USPL1: variants seen among roughly 807,000 people sequenced by gnomAD.
USPL1 encodes SUMO-specific isopeptidase USPL1.
USPL1 carries 27 observed loss-of-function variants against 51.5 expected under a neutral mutation model. That is an observed-to-expected ratio of 0.52 (90% CI 0.39 to 0.72). The LOEUF (loss-of-function observed/expected upper bound fraction) is 0.72. Among genes scored for constraint, USPL1 ranks in the 30% least tolerant of loss-of-function variants. The pLI is 0.00. For synonymous variants in USPL1, 451 were observed against 459.6 expected (o/e 0.98, Z 0.24); for missense variants, 1,226 against 1,268.0 (o/e 0.97, Z 0.50).
intron 6 of USPL1, 81 bp from the exon 7 acceptor site, chr13:30,646,851 G>A (rs1342236178): frequency 1.4e-6 from 2 of 1,444,582 alleles, no homozygotes; most frequent in South Asian, 1.4e-5. Context: ...ACGAAAAAGG[G>A]GAGGAATACT....
At chr13:30,647,242 T>C (rs1043712404) in intron 7 of USPL1, among the ~76,000 whole-genome samples, 185 bp downstream of exon 7, 1 of 152,200 alleles carries the variant, frequency 6.6e-6, no homozygotes, top group Admixed American at 6.5e-5. Context: ...GTGAAGCCAC[T>C]GAAAAGCCAA....
rs547945094 is a variant in USPL1 at position 30,621,736 on chromosome 13, A to T, written c.100-28A>T. Reference sequence around the variant, plus strand: ...TTTGATATATTCTAGGAATGTCTATATTTTAATTTGCTTTATTTCTCTTTT... The same window carrying T: ...TTTGATATATTCTAGGAATGTCTATTTTTTAATTTGCTTTATTTCTCTTTT... On this transcript the variant is annotated intron_variant, in intron 2 of 8. Coordinates refer to ENST00000255304, the MANE Select transcript of USPL1 (RefSeq NM_005800.5). 3.2e-4 allele frequency: 457 copies of T among 1,434,884 alleles called. 4 individuals are homozygous for T. The South Asian group carries it at 6.8e-3, about 21-fold the overall frequency. 88.9% of individuals were successfully genotyped at this position (1,434,884 alleles called of 1,614,324 possible). A position where few individuals can be genotyped will look rare whatever the true frequency, so the allele number is the denominator to read the frequency against.
chr13:30,623,681 G>A (rs1232862603), intron 3 of USPL1, among the ~76,000 whole-genome samples: 2 of 152,180 alleles, frequency 1.3e-5, no homozygotes, highest in Non-Finnish European at 2.9e-5. Flanking sequence ...CTCAGATGGG[G>A]CAAGTAGCTG....
chr13:30,620,384 G>A (rs1950631606), intron 1 of USPL1, among the ~76,000 whole-genome samples: 1 of 152,100 alleles, frequency 6.6e-6, no homozygotes, highest in Admixed American at 6.6e-5. Flanking sequence ...TGCTTACACT[G>A]AGCTCCGGTC....
intron 5 of USPL1, among the ~76,000 whole-genome samples, chr13:30,642,003 C>T (rs1230446530): frequency 1.3e-5 from 2 of 151,932 alleles, no homozygotes; most frequent in Non-Finnish European, 2.9e-5. Flanking sequence ...AATTCCTGGG[C>T]TCAAATGAGC....
chr13:30,638,618 G>C (rs1950906493), intron 5 of USPL1, among the ~76,000 whole-genome samples: 1 of 151,690 alleles, frequency 6.6e-6, no homozygotes, highest in Non-Finnish European at 1.5e-5. Context: ...GTTTTGAAAG[G>C]GCTTTTTGTT....
intron 1 of USPL1, among the ~76,000 whole-genome samples, chr13:30,619,655 T>G (rs1950622938): frequency 6.6e-6 from 1 of 152,172 alleles, no homozygotes; most frequent in Non-Finnish European, 1.5e-5. Flanking sequence ...ACTTTTTACA[T>G]GCTTTATCTC....
intron 5 of USPL1, among the ~76,000 whole-genome samples, chr13:30,642,307 C>CT (rs111236247): frequency 5.1e-4 from 75 of 147,134 alleles, no homozygotes; most frequent in African/African-American, 8.7e-4. Context: ...GTTCCGAGAT[C>CT]TTTTTTTTTT....
chr13:30,653,850 C>T (rs910237691), intron 8 of USPL1, among the ~76,000 whole-genome samples: 1 of 152,116 alleles, frequency 6.6e-6, no homozygotes, highest in Non-Finnish European at 1.5e-5. Flanking sequence ...TCATAATGTT[C>T]ACTTTGTCTT....
intron 7 of USPL1, among the ~76,000 whole-genome samples, chr13:30,647,465 A>G (rs1951033162): frequency 6.6e-6 from 1 of 152,044 alleles, no homozygotes; most frequent in Non-Finnish European, 1.5e-5. Context: ...CTTCTCCTAG[A>G]TCTCAGCATG....
At position 30,634,237 on chromosome 13, in the gene USPL1, C is replaced by T. The variant is rs531089488; in HGVS notation, c.868+2763C>T. On this transcript the variant is annotated intron_variant, in intron 4 of 8. Transcript: ENST00000255304. The stretch of plus-strand genomic sequence containing the variant: ...ACCAAGATGGCTGCTAAGTGAACCA[C>T]AGGCAGGAGTGTAGACAGCATGGAC... 2.2e-4 allele frequency among the ~76,000 whole-genome samples: 34 copies of T among 152,294 alleles called. No individual in the cohort carries two copies. The South Asian group carries it at 7.0e-3, about 32-fold the overall frequency.
intron 7 of USPL1, among the ~76,000 whole-genome samples, chr13:30,649,841 G>C (rs931050912): frequency 6.6e-6 from 1 of 152,146 alleles, no homozygotes; most frequent in African/African-American, 2.4e-5. Context: ...CCCCATGTTA[G>C]GTGAATTCAA....
chr13:30,625,456 T>G (rs1452441151), intron 3 of USPL1, among the ~76,000 whole-genome samples: 2 of 147,476 alleles, frequency 1.4e-5, no homozygotes, highest in Non-Finnish European at 3.0e-5. Context: ...TTTTTTTTTT[T>G]TTTTTTTTGA....
intron 6 of USPL1, among the ~76,000 whole-genome samples, chr13:30,645,212 T>C (rs1396376816): frequency 1.3e-5 from 2 of 152,248 alleles, no homozygotes; most frequent in Non-Finnish European, 2.9e-5. Context: ...ATCAGCTTAA[T>C]TGTAGCTTCT....
chr13:30,658,193 C>T lies in USPL1; in HGVS notation c.2116C>T (p.Leu706Phe). Reference protein sequence around the residue: ...IEKDAQLKQFLTPKTEQLKPE... With the variant: ...IEKDAQLKQFFTPKTEQLKPE... ...GAAGGACGCTCAGTTAAAACAATTCCTTACACCAAAAACTGAACAATTAAA... is the reference window on the plus strand; with the variant it reads ...GAAGGACGCTCAGTTAAAACAATTCTTTACACCAAAAACTGAACAATTAAA... Residue 706 changes from leucine (L) to phenylalanine (F), a missense_variant, in exon 9 of 9, where the codon CTT becomes TTT. Leu to Phe is a conservative substitution (Grantham distance 22, BLOSUM62 0). Coordinates refer to ENST00000255304, the MANE Select transcript of USPL1 (RefSeq NM_005800.5). 6.2e-7 allele frequency: 1 copy of T among 1,612,416 alleles called. No homozygotes were observed. The highest frequency in any genetic ancestry group is 8.5e-7 in the Non-Finnish European group (1 of 1,179,640).
chr13:30,633,265 A>G (rs1309555116), intron 4 of USPL1, among the ~76,000 whole-genome samples: 1 of 152,194 alleles, frequency 6.6e-6, no homozygotes, highest in Non-Finnish European at 1.5e-5. Flanking sequence ...TTTTAATCTT[A>G]CTATGCCTAA....
chr13:30,642,345 C>T (rs749115821), intron 5 of USPL1, among the ~76,000 whole-genome samples: 49 of 151,672 alleles, frequency 3.2e-4, no homozygotes, highest in Non-Finnish European at 5.9e-4. Context: ...AGATGGAAGA[C>T]AGTATGGGTC....
Position 30,660,142 on chromosome 13 carries a change from C to T in USPL1, c.*786C>T, listed in dbSNP as rs1200259887. The T allele has an allele frequency of 6.6e-6, 1 of 152,314 alleles. No homozygotes were observed. The highest frequency in any genetic ancestry group is 6.5e-5 in the Admixed American group (1 of 15,290). The allele number at this position is 152,314 out of a possible 1,614,324, so 9.4% of individuals were successfully genotyped here. The stretch of plus-strand genomic sequence containing the variant: ...AGCTCCTCCCTGTTGCTGGTCGTCC[C>T]ACCCTCTGCTCAGTTCTGGCTGAGC... On this transcript the variant is annotated 3_prime_UTR_variant, in exon 9 of 9. Coordinates refer to ENST00000255304, the MANE Select transcript of USPL1 (RefSeq NM_005800.5).
At chr13:30,620,674 A>G (rs1950634875) in intron 1 of USPL1, among the ~76,000 whole-genome samples, 1 of 152,208 alleles carries the variant, frequency 6.6e-6, no homozygotes, top group Non-Finnish European at 1.5e-5. Flanking sequence ...GTTCCTGTCA[A>G]ATAGTGGCAC....
Sources: allele counts gnomAD v4.1 joint callset (sites outside exome capture counted in the v4.1 genomes callset), GRCh38; gene constraint gnomAD v4.1.1; transcripts MANE v1.5; gene names NCBI Gene and HGNC (gene_info 2026-07-23, HGNC 2026-07-21).